The following SAMMSON variants were observed in gnomAD, a reference collection of about 807,000 sequenced individuals.
SAMMSON encodes long intergenic non-protein coding RNA 1212.
chr3:70,148,889 G>A (rs2067559953), intron 4 of SAMMSON, among the ~76,000 whole-genome samples: 1 of 152,080 alleles, frequency 6.6e-6, no homozygotes, highest in Admixed American at 6.6e-5. Context: ...AAGCGTGATG[G>A]TTTGGAATGG....
chr3:70,392,882 C>T (rs973152496), downstream of SAMMSON, among the ~76,000 whole-genome samples: 1 of 152,020 alleles, frequency 6.6e-6, no homozygotes, highest in East Asian at 1.9e-4. Flanking sequence ...GAGAGTTCAA[C>T]CAGCAGAAGG....
chr3:70,017,848 G>A (rs897622483), intron 3 of SAMMSON, among the ~76,000 whole-genome samples: 9 of 152,092 alleles, frequency 5.9e-5, no homozygotes, highest in African/African-American at 1.9e-4. Flanking sequence ...TAATCATGTG[G>A]TTTTTGTCTT....
At chr3:70,427,860 T>C (rs1253873481) in intron 2 of SAMMSON, among the ~76,000 whole-genome samples, 2 of 152,196 alleles carry the variant, frequency 1.3e-5, no homozygotes, top group African/African-American at 2.4e-5. Context: ...AGGAAATCTT[T>C]ATCAACTGAC....
chr3:70,163,073 AT>A (rs1003746310), intron 4 of SAMMSON, among the ~76,000 whole-genome samples: 9 of 150,818 alleles, frequency 6.0e-5, no homozygotes, highest in Admixed American at 1.3e-4. Flanking sequence ...ATATAATCGA[AT>A]CCTTTTTTTT....
chr3:70,225,556 G>A lies in SAMMSON; in HGVS notation n.508-23551G>A, dbSNP rs1019675905. On this transcript the variant is annotated intron_variant and non_coding_transcript_variant, in intron 4 of 9. Transcript: ENST00000642114. Reference sequence around the variant, plus strand: ...GGTGTGTCAAGAGTCAGTGTATACTGTTTATATTCTCCCTGCTTCAAAATC... The same window carrying A: ...GGTGTGTCAAGAGTCAGTGTATACTATTTATATTCTCCCTGCTTCAAAATC... Among the ~76,000 whole-genome samples the A allele has an allele frequency of 5.3e-5, 8 of 152,148 alleles. No homozygotes were observed. The East Asian group carries it at 1.5e-3, about 29-fold the overall frequency.
intron 8 of SAMMSON, among the ~76,000 whole-genome samples, chr3:70,357,104 G>A (rs1328311724): frequency 6.6e-6 from 1 of 152,098 alleles, no homozygotes; most frequent in Non-Finnish European, 1.5e-5. Flanking sequence ...AACTTGGAAC[G>A]TGCACCCCCA....
At chr3:70,252,167 C>T (rs1169802691) in intron 6 of SAMMSON, among the ~76,000 whole-genome samples, 1 of 152,152 alleles carries the variant, frequency 6.6e-6, no homozygotes, top group Non-Finnish European at 1.5e-5. Flanking sequence ...GTGTAATTGA[C>T]CAATGTCCTG....
intron 4 of SAMMSON, among the ~76,000 whole-genome samples, chr3:70,235,730 G>A (rs1414612882): frequency 1.3e-5 from 2 of 152,134 alleles, no homozygotes; most frequent in East Asian, 3.9e-4. Context: ...TTCAAATCAG[G>A]CCATTGATAA....
intron 4 of SAMMSON, among the ~76,000 whole-genome samples, chr3:70,179,889 A>T (rs923331694): frequency 6.6e-6 from 1 of 152,004 alleles, no homozygotes; most frequent in African/African-American, 2.4e-5. Flanking sequence ...GAGTGAGTGG[A>T]TGTATGGGGA....
intron 3 of SAMMSON, among the ~76,000 whole-genome samples, chr3:70,067,986 TA>T (rs1369736012): frequency 3.3e-5 from 5 of 151,986 alleles, no homozygotes; most frequent in Non-Finnish European, 5.9e-5. Context: ...GTAGAGTCTA[TA>T]AAAAGGTATC....
At chr3:70,282,192 A>T (rs1439869834) in intron 6 of SAMMSON, among the ~76,000 whole-genome samples, 1 of 151,840 alleles carries the variant, frequency 6.6e-6, no homozygotes, top group East Asian at 1.9e-4. Context: ...TAATCAAAAA[A>T]CCCTTCTTTC....
chr3:70,124,312 A>C (rs2067446628), intron 4 of SAMMSON, among the ~76,000 whole-genome samples: 1 of 152,214 alleles, frequency 6.6e-6, no homozygotes, highest in African/African-American at 2.4e-5. Flanking sequence ...ATAACTACTG[A>C]ATGAACTAAT....
At chr3:70,415,500 T>A (rs1453505123) in intron 2 of SAMMSON, among the ~76,000 whole-genome samples, 2 of 152,188 alleles carry the variant, frequency 1.3e-5, no homozygotes, top group African/African-American at 4.8e-5. Context: ...CCCCCTCCTT[T>A]TTTTGTTGCT....
intron 7 of SAMMSON, among the ~76,000 whole-genome samples, chr3:70,295,505 C>G (rs1575618832): frequency 6.6e-6 from 1 of 152,018 alleles, no homozygotes; most frequent in Non-Finnish European, 1.5e-5. Context: ...GAGTTCGAGA[C>G]TGGCCTGGGA....
intron 6 of SAMMSON, among the ~76,000 whole-genome samples, chr3:70,289,349 G>A (rs1482234340): frequency 6.6e-6 from 1 of 151,042 alleles, no homozygotes; most frequent in South Asian, 2.1e-4. Context: ...GAAATTCTGG[G>A]TTGAAAATTC....
intron 7 of SAMMSON, among the ~76,000 whole-genome samples, chr3:70,297,203 A>C (rs576955712): frequency 6.6e-6 from 1 of 152,246 alleles, no homozygotes; most frequent in South Asian, 2.1e-4. Flanking sequence ...TAAGTGTATG[A>C]ATTATTTTGC....
At chr3:70,185,208 C>T (rs1427784939) in intron 4 of SAMMSON, among the ~76,000 whole-genome samples, 2 of 152,152 alleles carry the variant, frequency 1.3e-5, no homozygotes, top group African/African-American at 4.8e-5. Context: ...CTACTCCCAT[C>T]ACCAAAGAAA....
At chr3:70,359,377 A>G (rs573716212) in intron 9 of SAMMSON, among the ~76,000 whole-genome samples, 15 of 152,202 alleles carry the variant, frequency 9.9e-5, no homozygotes, top group Non-Finnish European at 1.9e-4. Context: ...TGAATGGATC[A>G]AAGAAAACAA....
At position 70,079,006 on chromosome 3, in the gene SAMMSON, T is replaced by G. The variant is rs375902560; in HGVS notation, n.507+7441T>G. Among the ~76,000 whole-genome samples, 11 of 152,354 alleles carry G rather than the reference T, an allele frequency of 7.2e-5. No homozygotes were observed. In the East Asian group the frequency reaches 1.7e-3, roughly 24 times the overall value. On this transcript the variant is annotated intron_variant and non_coding_transcript_variant, in intron 4 of 9. Transcript: ENST00000642114. ...CAGTTGGAACACAGCCGTGCTCTTC[T>G]TTTATGTACTATCTATGGCTGCTTT...
Sources: gnomAD v4.1 joint callset for allele counts (sites outside exome capture counted in the v4.1 genomes callset) on GRCh38, gnomAD v4.1.1 for gene constraint, MANE v1.5 for transcripts, NCBI Gene and HGNC (gene_info 2026-07-23, HGNC 2026-07-21) for gene names.